ZPLD1: variants seen among roughly 807,000 people sequenced by gnomAD.
ZPLD1 encodes the protein zona pellucida-like domain-containing protein 1.
In ZPLD1, 34 loss-of-function variants were observed where a neutral mutation model predicts 47.2. That is an observed-to-expected ratio of 0.72 (90% CI 0.55 to 0.96). ZPLD1 has a LOEUF of 0.96. ZPLD1 is among the 40% of genes least tolerant of loss of function. The pLI is 0.00. For missense variants in ZPLD1, 512 were observed against 505.8 expected, an observed-to-expected ratio of 1.01 and a Z score of -0.12; for synonymous variants, 176 against 186.2, an observed-to-expected ratio of 0.95 and a Z score of 0.45.
intron 7 of ZPLD1, among the ~76,000 whole-genome samples, chr3:102,463,114 C>A (rs962706167): frequency 3.9e-5 from 6 of 152,094 alleles, no homozygotes; most frequent in Non-Finnish European, 8.8e-5. Context: ...TTTTCCATTT[C>A]ATTGGCATTC....
chr3:102,425,063 G>A (rs1226025378), intron 8 of ZPLD1, among the ~76,000 whole-genome samples: 4 of 151,700 alleles, frequency 2.6e-5, no homozygotes, highest in Non-Finnish European at 5.9e-5. Context: ...TTATTTAGAA[G>A]TTCAAATATT....
intron 7 of ZPLD1, among the ~76,000 whole-genome samples, chr3:102,412,825 A>T (rs531427963): frequency 6.6e-6 from 1 of 151,658 alleles, no homozygotes; most frequent in African/African-American, 2.4e-5. Context: ...ATATACACAC[A>T]TATGTGTATA....
upstream of ZPLD1, among the ~76,000 whole-genome samples, chr3:102,433,056 T>A (rs765682733): frequency 1.3e-5 from 2 of 152,224 alleles, no homozygotes; most frequent in Non-Finnish European, 2.9e-5. Context: ...GAAGTTAGAA[T>A]GTAAGTTCTA....
chr3:102,446,446 C>T (rs1281964419), intron 3 of ZPLD1, among the ~76,000 whole-genome samples: 1 of 152,150 alleles, frequency 6.6e-6, no homozygotes, highest in East Asian at 1.9e-4. Context: ...TTTGGTGATT[C>T]TCAAATTTGT....
At chr3:102,456,739 C>T (rs927396538) in intron 5 of ZPLD1, among the ~76,000 whole-genome samples, 3 of 152,200 alleles carry the variant, frequency 2.0e-5, no homozygotes, top group Admixed American at 6.5e-5. Context: ...GGCCCTGTGG[C>T]GTCTCCAGTG....
At chr3:102,385,479 T>C (rs1442755065) in intron 6 of ZPLD1, among the ~76,000 whole-genome samples, 1 of 152,208 alleles carries the variant, frequency 6.6e-6, no homozygotes, top group Non-Finnish European at 1.5e-5. Flanking sequence ...CTACAAAACA[T>C]AAATAATCCT....
chr3:102,395,747 T>G (rs1706549775), intron 7 of ZPLD1, among the ~76,000 whole-genome samples: 1 of 152,204 alleles, frequency 6.6e-6, no homozygotes, highest in African/African-American at 2.4e-5. Flanking sequence ...GTCATCTATT[T>G]TAAGACACAA....
intron 3 of ZPLD1, among the ~76,000 whole-genome samples, chr3:102,439,812 C>A (rs1051291661): frequency 4.6e-5 from 7 of 152,076 alleles, no homozygotes; most frequent in Non-Finnish European, 8.8e-5. Context: ...TCTAATAAGC[C>A]CAACAGTAAT....
chr3:102,459,089 CAAAAAAAAAAAAAAAAAA>C (rs767071660), intron 6 of ZPLD1, among the ~76,000 whole-genome samples: 9 of 25,852 alleles, frequency 3.5e-4, no homozygotes, highest in Non-Finnish European at 4.6e-4. Context: ...GACTCCGTCT[CAAAAAAAAAAAAAAAAAA>C]AAAAAAAAAA....
intron 2 of ZPLD1, among the ~76,000 whole-genome samples, chr3:102,438,216 T>A (rs1409070569): frequency 2.0e-5 from 3 of 152,236 alleles, no homozygotes; most frequent in African/African-American, 7.2e-5. Flanking sequence ...GTAAACTTTA[T>A]GATTTATACC....
At chr3:102,470,213 C>T (rs1232501267) in intron 9 of ZPLD1, among the ~76,000 whole-genome samples, 181 bp from the exon 10 acceptor site, 7 of 152,126 alleles carry the variant, frequency 4.6e-5, no homozygotes, top group African/African-American at 1.2e-4. Context: ...AGAAATGTGG[C>T]CCAAGCCAGG....
At chr3:102,422,044 A>G (rs1040657207) in intron 8 of ZPLD1, among the ~76,000 whole-genome samples, 17 of 152,036 alleles carry the variant, frequency 1.1e-4, no homozygotes, top group Admixed American at 2.0e-4. Context: ...GAATGTTTAA[A>G]CAGTAAAGCA....
chr3:102,468,615 T>C (rs1707633863), intron 8 of ZPLD1, among the ~76,000 whole-genome samples: 1 of 152,160 alleles, frequency 6.6e-6, no homozygotes, highest in Non-Finnish European at 1.5e-5. Context: ...TCATATACCC[T>C]GGGAATGATG....
intron 6 of ZPLD1, among the ~76,000 whole-genome samples, chr3:102,461,028 T>A (rs1331459180): frequency 6.6e-6 from 1 of 151,974 alleles, no homozygotes; most frequent in Non-Finnish European, 1.5e-5. Context: ...TTTAAGTATA[T>A]CTCTTATATA....
chr3:102,471,332 C>G (rs1027183220), intron 10 of ZPLD1, among the ~76,000 whole-genome samples: 5 of 152,200 alleles, frequency 3.3e-5, no homozygotes, highest in African/African-American at 4.8e-5. Context: ...ACTCTACTCT[C>G]TCTTGTGAAT....
At chr3:102,417,706 G>C (rs1011049739) in intron 7 of ZPLD1, among the ~76,000 whole-genome samples, 1 of 151,936 alleles carries the variant, frequency 6.6e-6, no homozygotes, top group African/African-American at 2.4e-5. Flanking sequence ...CTTTCACGAA[G>C]CACAACAGGA....
intron 5 of ZPLD1, among the ~76,000 whole-genome samples, chr3:102,456,671 G>T (rs931165424): frequency 2.6e-5 from 4 of 152,008 alleles, no homozygotes; most frequent in African/African-American, 9.7e-5. Context: ...CCAGTTGTCT[G>T]CCTTGGGTTC....
intron 3 of ZPLD1, among the ~76,000 whole-genome samples, chr3:102,452,207 T>A (rs1707348590): frequency 6.8e-6 from 1 of 147,192 alleles, no homozygotes; most frequent in Admixed American, 6.9e-5. Flanking sequence ...ACCCATGGAG[T>A]CATGGAGAAC....
intron 10 of ZPLD1, among the ~76,000 whole-genome samples, chr3:102,475,711 T>C (rs1003128971): frequency 2.0e-5 from 3 of 152,158 alleles, no homozygotes; most frequent in Admixed American, 6.5e-5. Context: ...TTTTGTCCTA[T>C]AGCGATGCAT....
Sources: allele counts gnomAD v4.1 joint callset (sites outside exome capture counted in the v4.1 genomes callset), GRCh38; gene constraint gnomAD v4.1.1; transcripts MANE v1.5; gene names NCBI Gene and HGNC (gene_info 2026-07-23, HGNC 2026-07-21).